Variants in PRDM5 observed in about 807,000 individuals in gnomAD.
The protein encoded by PRDM5 is PR/SET domain 5, also known as PR domain zinc finger protein 5.
A neutral mutation model predicts 81.2 loss-of-function variants in PRDM5; 56 were observed. The ratio of observed to expected loss-of-function variants is 0.69; its 90% CI spans 0.56 to 0.86. The LOEUF (loss-of-function observed/expected upper bound fraction) is 0.86. Ranked by LOEUF, PRDM5 falls within the 40% of genes least tolerant of loss-of-function variation. The pLI is 0.00. For missense variants in PRDM5, 697 were observed against 770.1 expected, an observed-to-expected ratio of 0.91 and a Z score of 1.12; for synonymous variants, 267 against 256.4, an observed-to-expected ratio of 1.04 and a Z score of -0.39.
chr4:120,780,167 A>G (rs555277963), intron 12 of PRDM5, among the ~76,000 whole-genome samples: 3 of 152,264 alleles, frequency 2.0e-5, no homozygotes, highest in Admixed American at 6.5e-5. Context: ...TTCTAAAGTT[A>G]ACACTGCCTG....
intron 8 of PRDM5, among the ~76,000 whole-genome samples, chr4:120,803,584 C>A (rs4833185): frequency 0.98 from 149,933 of 152,306 alleles, 73,804 homozygotes; most frequent in East Asian, 1. Context: ...TTCAACCCAG[C>A]ATTTCATATC....
chr4:120,898,267 G>C (rs1186978483), intron 2 of PRDM5, among the ~76,000 whole-genome samples: 1 of 152,144 alleles, frequency 6.6e-6, no homozygotes, highest in African/African-American at 2.4e-5. Flanking sequence ...AGCAAGATGA[G>C]ACCACAGAAC....
At chr4:120,757,838 T>C (rs1489621154) in intron 13 of PRDM5, among the ~76,000 whole-genome samples, 1 of 151,630 alleles carries the variant, frequency 6.6e-6, no homozygotes, top group Non-Finnish European at 1.5e-5. Flanking sequence ...TCTCTCTTTC[T>C]CTCCTCCTCT....
intron 3 of PRDM5, among the ~76,000 whole-genome samples, chr4:120,835,216 T>C (rs892534841): frequency 1.3e-5 from 2 of 152,168 alleles, no homozygotes; most frequent in Admixed American, 1.3e-4. Flanking sequence ...GAAATAGCCA[T>C]TAATCAACCA....
intron 8 of PRDM5, among the ~76,000 whole-genome samples, chr4:120,807,310 G>T (rs533902029): frequency 1.3e-5 from 2 of 152,316 alleles, no homozygotes; most frequent in Non-Finnish European, 2.9e-5. Flanking sequence ...CCGGGAGCTA[G>T]AACTAGAAAT....
rs142665158 is a variant in PRDM5 at position 120,785,462 on chromosome 4, G to T, written c.1189-371C>A. On this transcript the variant is annotated intron_variant, in intron 10 of 15. Coordinates refer to ENST00000264808, the MANE Select transcript of PRDM5 (RefSeq NM_018699.4). Reference sequence around the variant, plus strand: ...TCACTGGCCAGGCTTTTACTCTGCTGGTACAACATTTGCAACACAGATAAA... The same window carrying T: ...TCACTGGCCAGGCTTTTACTCTGCTTGTACAACATTTGCAACACAGATAAA... Among the ~76,000 whole-genome samples the T allele has an allele frequency of 2.5e-3, 387 of 152,128 alleles. 1 individual carries two copies. The highest frequency in any genetic ancestry group is 8.9e-3 in the African/African-American group (371 of 41,498).
intron 14 of PRDM5, among the ~76,000 whole-genome samples, chr4:120,744,000 C>A (rs1316705484): frequency 6.6e-6 from 1 of 152,010 alleles, no homozygotes. Flanking sequence ...CCACACCACA[C>A]CTATTCCAAA....
chr4:120,828,056 T>G (rs1307763564), intron 3 of PRDM5, among the ~76,000 whole-genome samples: 1 of 152,070 alleles, frequency 6.6e-6, no homozygotes, highest in African/African-American at 2.4e-5. Context: ...CTTACCTTCA[T>G]GGAACCCTTG....
chr4:120,860,936 C>G (rs754859561), intron 2 of PRDM5, among the ~76,000 whole-genome samples: 50 of 152,138 alleles, frequency 3.3e-4, no homozygotes, highest in Non-Finnish European at 5.9e-4. Flanking sequence ...TTTTATGAAG[C>G]CTTAGCGTTG....
At position 120,784,901 on chromosome 4, in the gene PRDM5, T is replaced by C. The variant is rs542839210; in HGVS notation, c.1282+97A>G. 1.2e-3 allele frequency: 1,136 copies of C among 974,372 alleles called. 2 individuals carry two copies. The highest frequency in any genetic ancestry group is 1.2e-3 in the Non-Finnish European group (729 of 623,712). 60.4% of individuals were successfully genotyped at this position (974,372 alleles called of 1,614,324 possible). A position where few individuals can be genotyped will look rare whatever the true frequency, so the allele number is the denominator to read the frequency against. ...TTTACAGTCAGATTATATAAATACT[T>C]ATAGGCACACCTCTGGGATGTCTAC... On this transcript the variant is annotated intron_variant, in intron 11 of 15. Coordinates refer to ENST00000264808, the MANE Select transcript of PRDM5 (RefSeq NM_018699.4).
chr4:120,901,833 G>C lies in PRDM5; in HGVS notation c.177+5641C>G, dbSNP rs557160994. 1.0e-3 allele frequency among the ~76,000 whole-genome samples: 159 copies of C among 152,284 alleles called. 1 individual carries two copies. The highest frequency in any genetic ancestry group is 0.01 in the Middle Eastern group (3 of 294). On this transcript the variant is annotated intron_variant, in intron 2 of 15. Coordinates refer to ENST00000264808, the MANE Select transcript of PRDM5 (RefSeq NM_018699.4). ...TTCCAGAGGGACCACCCAGTGTACT[G>C]AACTGTGGCATAGCATATGACTCCA...
chr4:120,737,422 A>G (rs986848783), intron 14 of PRDM5, among the ~76,000 whole-genome samples: 1 of 152,240 alleles, frequency 6.6e-6, no homozygotes, highest in Non-Finnish European at 1.5e-5. Context: ...GAGCTAAGAG[A>G]GAGCCATGCC....
chr4:120,700,816 A>C (rs1735227899), intron 15 of PRDM5, among the ~76,000 whole-genome samples: 1 of 152,162 alleles, frequency 6.6e-6, no homozygotes, highest in Non-Finnish European at 1.5e-5. Flanking sequence ...ATCTCACACT[A>C]GTCAGAATGG....
intron 2 of PRDM5, among the ~76,000 whole-genome samples, chr4:120,889,500 A>T (rs1763815180): frequency 6.6e-6 from 1 of 152,182 alleles, no homozygotes; most frequent in South Asian, 2.1e-4. Context: ...TATAAAATCA[A>T]TTTCCATACC....
intron 3 of PRDM5, among the ~76,000 whole-genome samples, chr4:120,845,241 A>T (rs1274831736): frequency 1.3e-5 from 2 of 152,236 alleles, no homozygotes; most frequent in African/African-American, 4.8e-5. Flanking sequence ...TAAACAACAG[A>T]TTTTCAATGT....
chr4:120,779,658 T>C (rs938244483), intron 12 of PRDM5, among the ~76,000 whole-genome samples: 1 of 152,094 alleles, frequency 6.6e-6, no homozygotes, highest in Admixed American at 6.6e-5. Flanking sequence ...TCCCAGAACT[T>C]TGGGAACCCA....
intron 15 of PRDM5, among the ~76,000 whole-genome samples, chr4:120,705,460 C>T (rs945366951): frequency 3.9e-5 from 6 of 151,942 alleles, no homozygotes; most frequent in African/African-American, 7.3e-5. Context: ...ATGAAGGAAC[C>T]GGAAGAAAAG....
intron 14 of PRDM5, among the ~76,000 whole-genome samples, chr4:120,744,793 C>T (rs1236847286): frequency 2.7e-5 from 4 of 150,674 alleles, no homozygotes; most frequent in Non-Finnish European, 5.9e-5. Flanking sequence ...GAATCAATAG[C>T]TTACCAACCA....
At chr4:120,803,137 C>T (rs62325580) in intron 8 of PRDM5, among the ~76,000 whole-genome samples, 2,952 of 151,838 alleles carry the variant, frequency 0.019, 46 homozygotes, top group Non-Finnish European at 0.032. Flanking sequence ...TGAAATGAAG[C>T]GAGAAGGAAA....
Sources: gnomAD v4.1 joint callset for allele counts (sites outside exome capture counted in the v4.1 genomes callset) on GRCh38, gnomAD v4.1.1 for gene constraint, MANE v1.5 for transcripts, NCBI Gene and HGNC (gene_info 2026-07-23, HGNC 2026-07-21) for gene names.